COL5A1: variants seen among roughly 807,000 people sequenced by gnomAD.
COL5A1 encodes collagen type V alpha 1 chain.
In COL5A1, 16 loss-of-function variants were observed where a neutral mutation model predicts 263.7. The observed-to-expected ratio is 0.06, with a 90% CI of 0.04 to 0.09. The LOEUF is 0.09. Among genes scored for constraint, COL5A1 ranks in the 10% least tolerant of loss-of-function variants. COL5A1 has a pLI of 1.00. For synonymous variants in COL5A1, 1,012 were observed against 1,004.5 expected (o/e 1.01, Z -0.14); for missense variants, 2,036 against 2,540.5 (o/e 0.80, Z 4.27).
Position 134,758,077 on chromosome 9 carries a change from C to T in COL5A1, c.1882-166C>T, listed in dbSNP as rs1836051941. On this transcript the variant is annotated intron_variant, in intron 17 of 65. Coordinates refer to ENST00000371817, the MANE Select transcript of COL5A1 (RefSeq NM_000093.5). This position sits in a 1 kb window ranked among gnomAD's most constrained non-coding sequence, Gnocchi z 4.1. ...GGGGAAGAGGCTGAGATTGTAGATG[C>T]AAAGTGGGGGCCTATGGGGAGAGGG... Among the ~76,000 whole-genome samples, 1 of 152,156 alleles carries T rather than the reference C, an allele frequency of 6.6e-6. No homozygotes were observed. Among genetic ancestry groups the T allele is most frequent in the Non-Finnish European group, 1.5e-5 (1 of 68,034 alleles).
intron 2 of COL5A1, 81 bp downstream of exon 2, chr9:134,691,160 C>T (rs1380543485): frequency 2.6e-6 from 4 of 1,563,206 alleles, no homozygotes; most frequent in African/African-American, 2.7e-5. Flanking sequence ...CTCAAGCCTG[C>T]GTGGTGGCAG....
rs1223203041 is a variant in COL5A1 at position 134,782,734 on chromosome 9, GTTTGGGA to G, written c.2484+21_2484+27del. On this transcript the variant is annotated intron_variant, in intron 29 of 65. Transcript: ENST00000371817. ...AAGGGTGATCGGGTGAGCATCTCAG[GTTTGGGA>G]TTTGGGCTGGGGAAAGCTGGGTGGG... 1.3e-6 allele frequency: 2 copies of G among 1,587,816 alleles called. No homozygotes were observed. The highest frequency in any genetic ancestry group is 2.7e-5 in the African/African-American group (2 of 74,290).
intron 1 of COL5A1, among the ~76,000 whole-genome samples, chr9:134,668,284 T>A (rs1832418730): frequency 6.6e-6 from 1 of 152,194 alleles, no homozygotes; most frequent in South Asian, 2.1e-4. Context: ...TAAGGAGCCC[T>A]TTCAGAGGTA....
rs865784230 is a variant in COL5A1, at chr9:134,760,392, C to A, written c.1936-1533C>A. 2.6e-3 allele frequency among the ~76,000 whole-genome samples: 207 copies of A among 79,948 alleles called. 2 individuals are homozygous for A. Among genetic ancestry groups the A allele is most frequent in the African/African-American group, 5.1e-3 (62 of 12,130 alleles). 52.4% of individuals were successfully genotyped at this position (79,948 alleles called of 152,430 possible). On this transcript the variant is annotated intron_variant, in intron 18 of 65. Coordinates refer to ENST00000371817, the MANE Select transcript of COL5A1 (RefSeq NM_000093.5). ...ACACACCACACATGCATACACACCC[C>A]CACACCCCCACACTCATACACACAT...
Position 134,765,844 on chromosome 9 carries a change from C to G in COL5A1, c.2088+110C>G. ...GGGCAGCAAGTCCGTGCTGGCCCCT[C>G]TGGCGCCTGCCTGCTGCCAGTGTGA... On this transcript the variant is annotated intron_variant, in intron 21 of 65. Transcript: ENST00000371817. This position sits in a 1 kb window ranked among gnomAD's most constrained non-coding sequence, Gnocchi z 5.1. The G allele has an allele frequency of 1.2e-6, 1 of 854,260 alleles. No homozygotes were observed. The highest frequency in any genetic ancestry group is 1.9e-6 in the Non-Finnish European group (1 of 538,474). 52.9% of individuals were successfully genotyped at this position (854,260 alleles called of 1,614,324 possible).
intron 4 of COL5A1, among the ~76,000 whole-genome samples, chr9:134,721,649 C>A (rs1029169515): frequency 3.3e-5 from 5 of 152,224 alleles, no homozygotes; most frequent in African/African-American, 1.2e-4. Context: ...CCGCCCAGTC[C>A]TTGTGGGGGT....
At chr9:134,719,000 A>G (rs1834361439) in intron 4 of COL5A1, among the ~76,000 whole-genome samples, 1 of 152,200 alleles carries the variant, frequency 6.6e-6, no homozygotes, top group African/African-American at 2.4e-5. Flanking sequence ...CATGCCGGGC[A>G]CAGGCGGTGC....
At chr9:134,835,979 C>A (rs1839840521) in intron 65 of COL5A1, among the ~76,000 whole-genome samples, 2 of 152,292 alleles carry the variant, frequency 1.3e-5, no homozygotes, top group South Asian at 4.2e-4. Context: ...CCTCGTGTGG[C>A]CTTTTAGAGG....
At chr9:134,753,765 T>TCCCCCCCCCCCCCCC in intron 14 of COL5A1, 85 bp from the exon 15 acceptor site, 1 of 485,446 alleles carries the variant, frequency 2.1e-6, no homozygotes, top group Admixed American at 2.4e-5. Flanking sequence ...CCCCTCCCCC[T>TCCCCCCCCCCCCCCC]GCCCCTCCCC....
intron 1 of COL5A1, among the ~76,000 whole-genome samples, chr9:134,657,434 T>A (rs1470411439): frequency 1.5e-4 from 3 of 20,600 alleles, no homozygotes; most frequent in Non-Finnish European, 2.6e-4. Context: ...GGTGGGGGTG[T>A]AGTTTATAGA....
At position 134,820,199 on chromosome 9, in the gene COL5A1, C is replaced by G. The variant is rs1819551720; in HGVS notation, c.4530C>G (p.Gly1510=). 1 of 1,613,632 alleles carries G rather than the reference C, an allele frequency of 6.2e-7. No individual in the cohort carries two copies. The highest frequency in any genetic ancestry group is 8.5e-7 in the Non-Finnish European group (1 of 1,179,850). ...ACCGTGGTCTCCCTGGCCCCCAGGGCTCCTCCGGTCCTAAGGGAGAACAGG... is the reference window on the plus strand; with the variant it reads ...ACCGTGGTCTCCCTGGCCCCCAGGGGTCCTCCGGTCCTAAGGGAGAACAGG... ...KGDRGLPGPQ[G]SSGPKGEQGI... The change falls in exon 58 of 66, where the codon GGC becomes GGG. Residue 1510 remains glycine, a synonymous_variant. Transcript: ENST00000371817.
chr9:134,731,077 T>A (rs3128606), intron 7 of COL5A1, among the ~76,000 whole-genome samples: 1 of 152,026 alleles, frequency 6.6e-6, no homozygotes, highest in South Asian at 2.1e-4. Flanking sequence ...CCTTGCGTAG[T>A]GTGTAGCACA....
chr9:134,679,146 C>T (rs1278021862), intron 1 of COL5A1, among the ~76,000 whole-genome samples: 2 of 152,188 alleles, frequency 1.3e-5, no homozygotes, highest in Non-Finnish European at 2.9e-5. Context: ...CTTTCGCTCT[C>T]TGGGCCTCCT....
chr9:134,715,974 ATGC>A (rs1834245651), intron 4 of COL5A1, among the ~76,000 whole-genome samples: 3 of 128,938 alleles, frequency 2.3e-5, no homozygotes, highest in East Asian at 6.0e-4. Context: ...GATGATGGTG[ATGC>A]TGGTGGTGGT....
At chr9:134,816,983 CG>C (rs769913498) in intron 52 of COL5A1, 42 bp from the exon 53 acceptor site, 2 of 1,572,898 alleles carry the variant, frequency 1.3e-6, no homozygotes, top group Non-Finnish European at 1.8e-6. Flanking sequence ...TTGAGTCTAA[CG>C]GGCCCCAATT....
At chr9:134,772,669 GT>G in intron 25 of COL5A1, 120 bp from the exon 26 acceptor site, 2 of 1,129,004 alleles carry the variant, frequency 1.8e-6, no homozygotes, top group East Asian at 4.7e-5. Flanking sequence ...GGTGCTCTCA[GT>G]TTTCCTGGGG....
chr9:134,769,056 T>C (rs750246737), intron 25 of COL5A1, among the ~76,000 whole-genome samples: 88 of 152,228 alleles, frequency 5.8e-4, no homozygotes, highest in Non-Finnish European at 1.0e-3. Context: ...TGTGAGCTGA[T>C]TTGCACCCAC....
At chr9:134,734,506 G>A (rs561261025) in intron 9 of COL5A1, among the ~76,000 whole-genome samples, 39 of 152,376 alleles carry the variant, frequency 2.6e-4, no homozygotes, top group Admixed American at 2.0e-3. Context: ...AGATGGCCAG[G>A]TCCTGGGGCC....
intron 11 of COL5A1, among the ~76,000 whole-genome samples, chr9:134,746,586 C>T (rs929314074): frequency 1.3e-5 from 2 of 152,242 alleles, no homozygotes; most frequent in Admixed American, 6.5e-5. Context: ...GTCTGGACGT[C>T]CTCAGGAAAG....
Sources: gnomAD v4.1 joint callset for allele counts (sites outside exome capture counted in the v4.1 genomes callset) on GRCh38, gnomAD v4.1.1 for gene constraint, Gnocchi (gnomAD v3.1) non-coding constraint, MANE v1.5 for transcripts, NCBI Gene and HGNC (gene_info 2026-07-23, HGNC 2026-07-21) for gene names.